Variants in MGMT observed in about 807,000 individuals in gnomAD.
MGMT encodes O-6-methylguanine-DNA methyltransferase, also known as methylated-DNA--protein-cysteine methyltransferase.
MGMT carries 14 observed loss-of-function variants against 15.9 expected under a neutral mutation model. The ratio of observed to expected loss-of-function variants is 0.88; its 90% CI spans 0.58 to 1.37. MGMT has a LOEUF of 1.37. MGMT is among the 40% of genes most tolerant of loss of function. MGMT has a pLI of 0.00. For missense variants in MGMT, 282 were observed against 268.1 expected (o/e 1.05, Z -0.36); for synonymous variants, 130 against 118.2 (o/e 1.10, Z -0.65).
chr10:129,591,192 G>T (rs1846680083), intron 2 of MGMT, among the ~76,000 whole-genome samples: 1 of 152,180 alleles, frequency 6.6e-6, no homozygotes, highest in African/African-American at 2.4e-5. Flanking sequence ...CATGATGAGT[G>T]GCCGTGTTTC....
intron 2 of MGMT, among the ~76,000 whole-genome samples, chr10:129,672,140 A>G (rs1014371322): frequency 6.6e-6 from 1 of 152,194 alleles, no homozygotes; most frequent in Non-Finnish European, 1.5e-5. Flanking sequence ...TTTCTTTTTT[A>G]GAAAATGTCT....
chr10:129,601,363 G>A (rs913162640), intron 2 of MGMT, among the ~76,000 whole-genome samples: 1 of 152,188 alleles, frequency 6.6e-6, no homozygotes, highest in African/African-American at 2.4e-5. Context: ...GTTTCTTTAT[G>A]TCTTCTGTTT....
At chr10:129,652,509 A>G (rs1847472074) in intron 2 of MGMT, among the ~76,000 whole-genome samples, 1 of 152,328 alleles carries the variant, frequency 6.6e-6, no homozygotes, top group Admixed American at 6.5e-5. Context: ...GAAGGCTTTC[A>G]AAGGCCTGAG....
At position 129,514,605 on chromosome 10, in the gene MGMT, A is replaced by T. The variant is rs559983629; in HGVS notation, c.-12-21636A>T. Among the ~76,000 whole-genome samples the T allele has an allele frequency of 2.0e-5, 3 of 152,264 alleles. No homozygotes were observed. In the East Asian group the frequency reaches 5.8e-4, roughly 29 times the overall value. The stretch of plus-strand genomic sequence containing the variant: ...AAATGTTTGTTCTCCCACAAAATTC[A>T]TGTTGAAACCTCGCCCGTAAGTTGT... On this transcript the variant is annotated intron_variant, in intron 1 of 4. Coordinates refer to ENST00000651593, the MANE Select transcript of MGMT (RefSeq NM_002412.5).
chr10:129,658,794 C>T (rs2133103890), intron 2 of MGMT, among the ~76,000 whole-genome samples: 1 of 152,306 alleles, frequency 6.6e-6, no homozygotes, highest in African/African-American at 2.4e-5. Context: ...CATCCTGAAG[C>T]CTAGATGGCC....
At chr10:129,637,684 G>A (rs1435538936) in intron 2 of MGMT, among the ~76,000 whole-genome samples, 1 of 152,078 alleles carries the variant, frequency 6.6e-6, no homozygotes, top group Non-Finnish European at 1.5e-5. Context: ...AGTTAAATTG[G>A]GGTTGTTAGA....
At chr10:129,760,376 C>T (rs565889011) in intron 4 of MGMT, among the ~76,000 whole-genome samples, 1 of 152,312 alleles carries the variant, frequency 6.6e-6, no homozygotes, top group African/African-American at 2.4e-5. Flanking sequence ...GTGTCTTCTC[C>T]CGAAAGCTCT....
At chr10:129,637,991 G>A (rs1036275621) in intron 2 of MGMT, among the ~76,000 whole-genome samples, 3 of 152,194 alleles carry the variant, frequency 2.0e-5, no homozygotes, top group South Asian at 2.1e-4. Context: ...TTGCACTCGC[G>A]GGAGAGTGAG....
intron 3 of MGMT, among the ~76,000 whole-genome samples, chr10:129,741,133 A>G (rs1980849): frequency 0.65 from 98,517 of 151,912 alleles, 33,377 homozygotes; most frequent in African/African-American, 0.86. Context: ...CCCCAAGAAC[A>G]GATTTGACTT....
At chr10:129,526,634 C>T (rs1845873756) in intron 1 of MGMT, among the ~76,000 whole-genome samples, 1 of 152,192 alleles carries the variant, frequency 6.6e-6, no homozygotes, top group Admixed American at 6.5e-5. Flanking sequence ...GGTCGGACCG[C>T]AGGTGCACGT....
At chr10:129,672,034 A>C (rs1015497490) in intron 2 of MGMT, among the ~76,000 whole-genome samples, 1 of 152,252 alleles carries the variant, frequency 6.6e-6, no homozygotes, top group African/African-American at 2.4e-5. Flanking sequence ...GCACATCTAC[A>C]TGAATACTTG....
chr10:129,490,430 A>G (rs1203245728), intron 1 of MGMT, among the ~76,000 whole-genome samples: 2 of 152,188 alleles, frequency 1.3e-5, no homozygotes, highest in Admixed American at 6.5e-5. Flanking sequence ...GACCAAGCTT[A>G]TTAATTTATT....
At chr10:129,722,934 A>G (rs756470537) in intron 3 of MGMT, among the ~76,000 whole-genome samples, 11 of 145,994 alleles carry the variant, frequency 7.5e-5, no homozygotes, top group Non-Finnish European at 1.3e-4. Flanking sequence ...TGAACCCAGG[A>G]GACAGAGGTT....
Position 129,708,042 on chromosome 10 carries a change from A to G in MGMT, c.273A>G (p.Gln91=), listed in dbSNP as rs1589949580. The G allele has an allele frequency of 6.2e-7, 1 of 1,612,134 alleles. No individual in the cohort carries two copies. The highest frequency in any genetic ancestry group is 2.2e-5 in the East Asian group (1 of 44,858). ...VPALHHPVFQ[Q]ESFTRQVLWK... is the part of the protein sequence containing the mutation. ...CTCTTCACCATCCCGTTTTCCAGCA[A>G]GGTCGGTAACTAAGCCATCTGCGGT... The change falls in exon 3 of 5, where the codon CAA becomes CAG. Residue 91 remains glutamine, a splice_region_variant and synonymous_variant. Transcript: ENST00000651593.
In MGMT at chr10:129,568,218, T is replaced by C. The variant is rs188321678; in HGVS notation, c.125+31841T>C. On this transcript the variant is annotated intron_variant, in intron 2 of 4. Coordinates refer to ENST00000651593, the MANE Select transcript of MGMT (RefSeq NM_002412.5). ...AGGCCTCCTGCCTTCACTTGAGGTTTTTGGTGCTTTTTAAAGGACTGTGAT... is the reference window on the plus strand; with the variant it reads ...AGGCCTCCTGCCTTCACTTGAGGTTCTTGGTGCTTTTTAAAGGACTGTGAT... Among the ~76,000 whole-genome samples the C allele has an allele frequency of 1.6e-3, 249 of 152,306 alleles. 1 individual carries two copies. The highest frequency in any genetic ancestry group is 5.7e-3 in the African/African-American group (235 of 41,584).
Position 129,768,639 on chromosome 10 carries a change from A to G in MGMT, c.*1642A>G, listed in dbSNP as rs1026585163. Among the ~76,000 whole-genome samples the G allele has an allele frequency of 2.6e-5, 4 of 152,246 alleles. No homozygotes were observed. Among genetic ancestry groups the G allele is most frequent in the Admixed American group, 6.5e-5 (1 of 15,290 alleles). On this transcript the variant is annotated 3_prime_UTR_variant, in exon 5 of 5. Transcript: ENST00000651593. ...GCTTTCCCCTCTGCATGAACAGAAC[A>G]GAAGCTTCTGGCTCTCCAAGGCAGC...
At chr10:129,518,094 C>T (rs748769157) in intron 1 of MGMT, among the ~76,000 whole-genome samples, 5 of 151,892 alleles carry the variant, frequency 3.3e-5, no homozygotes, top group South Asian at 2.1e-4. Flanking sequence ...ATGGCTGCAC[C>T]GGGCACCACT....
chr10:129,663,074 C>T (rs970589955), intron 2 of MGMT, among the ~76,000 whole-genome samples: 9 of 152,128 alleles, frequency 5.9e-5, no homozygotes, highest in African/African-American at 1.4e-4. Context: ...GAAATGCATT[C>T]GCTGAGTAGA....
chr10:129,624,642 G>A (rs974791003), intron 2 of MGMT, among the ~76,000 whole-genome samples: 2 of 152,200 alleles, frequency 1.3e-5, no homozygotes, highest in African/African-American at 4.8e-5. Context: ...GGAAACGAAA[G>A]GATGAATAAC....
Sources: gnomAD v4.1 joint callset for allele counts (sites outside exome capture counted in the v4.1 genomes callset) on GRCh38, gnomAD v4.1.1 for gene constraint, MANE v1.5 for transcripts, NCBI Gene and HGNC (gene_info 2026-07-23, HGNC 2026-07-21) for gene names.